The following CDKL4 variants were observed in gnomAD, a reference collection of about 807,000 sequenced individuals.
CDKL4 encodes cyclin dependent kinase like 4.
Under a neutral mutation model 42.0 loss-of-function variants are expected in CDKL4, and 44 were observed. The ratio of observed to expected loss-of-function variants is 1.05; its 90% CI spans 0.82 to 1.35. The LOEUF (loss-of-function observed/expected upper bound fraction) is 1.35, where lower values mean the gene tolerates loss of function less well. Among genes scored for constraint, CDKL4 ranks in the 40% most tolerant of loss-of-function variants. The probability of loss-of-function intolerance (pLI) is 0.00; values close to 1 mark genes in which losing one functional copy is unlikely to be tolerated. For synonymous variants in CDKL4, 120 were observed against 121.6 expected, an observed-to-expected ratio of 0.99 and a Z score of 0.09; for missense variants, 393 against 369.9, an observed-to-expected ratio of 1.06 and a Z score of -0.51.
chr2:39,193,686 T>G (rs1466290286), intron 5 of CDKL4, among the ~76,000 whole-genome samples: 1 of 152,078 alleles, frequency 6.6e-6, no homozygotes, highest in Non-Finnish European at 1.5e-5. Context: ...GTTTATAAAA[T>G]TGTTAAAGAA....
chr2:39,240,263 T>C (rs1679595913), intron 1 of CDKL4, among the ~76,000 whole-genome samples: 1 of 150,320 alleles, frequency 6.7e-6, no homozygotes, highest in Admixed American at 6.6e-5. Flanking sequence ...TAAAATAAAA[T>C]AAAATAAAAT....
chr2:39,168,744 T>C, the CDKL4 span, among the ~76,000 whole-genome samples: 47 of 151,388 alleles, frequency 3.1e-4, no homozygotes, highest in African/African-American at 1.1e-3. Context: ...AGTCCTTGTT[T>C]TTTTTTTGTT....
intron 5 of CDKL4, among the ~76,000 whole-genome samples, chr2:39,199,061 GA>G (rs1340353068): frequency 6.6e-6 from 1 of 151,988 alleles, no homozygotes; most frequent in African/African-American, 2.4e-5. Flanking sequence ...CTGGTTCTTT[GA>G]AAAGATAAAT....
intron 9 of CDKL4, chr2:39,178,958 C>A: frequency 6.9e-7 from 1 of 1,440,338 alleles, no homozygotes; most frequent in South Asian, 1.5e-5. Context: ...AGTTGCGTAA[C>A]GATTTGATTC....
At chr2:39,181,577 A>G (rs1481336390) in intron 8 of CDKL4, among the ~76,000 whole-genome samples, 1 of 152,174 alleles carries the variant, frequency 6.6e-6, no homozygotes, top group Non-Finnish European at 1.5e-5. Context: ...CCAGGACCTC[A>G]GAATGTTACC....
intron 3 of CDKL4, among the ~76,000 whole-genome samples, chr2:39,216,193 C>A (rs1010091437): frequency 1.4e-4 from 21 of 152,130 alleles, no homozygotes; most frequent in African/African-American, 4.6e-4. Context: ...TAATCTATCC[C>A]CTCAATGTCT....
intron 1 of CDKL4, among the ~76,000 whole-genome samples, chr2:39,238,699 T>C (rs1168724171): frequency 6.6e-6 from 1 of 152,022 alleles, no homozygotes; most frequent in African/African-American, 2.4e-5. Context: ...TAATAATGAG[T>C]CAAGAAATAA....
At chr2:39,233,180 T>G (rs1679175048) in intron 1 of CDKL4, among the ~76,000 whole-genome samples, 1 of 151,618 alleles carries the variant, frequency 6.6e-6, no homozygotes, top group Admixed American at 6.6e-5. Flanking sequence ...TCTAAAAAGC[T>G]TTAAGAAAGA....
intron 3 of CDKL4, among the ~76,000 whole-genome samples, chr2:39,216,392 A>G (rs1677919083): frequency 6.6e-6 from 1 of 152,200 alleles, no homozygotes; most frequent in African/African-American, 2.4e-5. Flanking sequence ...TGAAGAAGCC[A>G]GGAAGGTTGG....
At chr2:39,170,155 T>C in the CDKL4 span, among the ~76,000 whole-genome samples, 2 of 151,666 alleles carry the variant, frequency 1.3e-5, no homozygotes, top group Non-Finnish European at 2.9e-5. Flanking sequence ...TGCACCACCA[T>C]GCCTGGTCCT....
chr2:39,202,790 G>A (rs1037966470), intron 5 of CDKL4, among the ~76,000 whole-genome samples: 2 of 152,316 alleles, frequency 1.3e-5, no homozygotes, highest in South Asian at 2.1e-4. Context: ...TATTGAGCCA[G>A]TGTTAGCATT....
At chr2:39,231,231 C>T (rs1558584462) in intron 1 of CDKL4, among the ~76,000 whole-genome samples, 1 of 152,028 alleles carries the variant, frequency 6.6e-6, no homozygotes, top group Non-Finnish European at 1.5e-5. Context: ...AACAAACAAA[C>T]AAACAAACAA....
intron 3 of CDKL4, among the ~76,000 whole-genome samples, chr2:39,221,008 TTTTTGTTTTGTTTTTG>T (rs1678317534): frequency 7.0e-5 from 5 of 71,640 alleles, no homozygotes; most frequent in Admixed American, 2.0e-4. Context: ...TTTGTTTTTT[TTTTTGTTTTGTTTTTG>T]TTTTTTGAGA....
chr2:39,214,832 T>C (rs1677817198), intron 3 of CDKL4, among the ~76,000 whole-genome samples: 1 of 152,196 alleles, frequency 6.6e-6, no homozygotes, highest in African/African-American at 2.4e-5. Context: ...TGTAAGCTTC[T>C]TGTCCCTGGC....
At chr2:39,238,305 C>T (rs935433513) in intron 1 of CDKL4, among the ~76,000 whole-genome samples, 1 of 152,100 alleles carries the variant, frequency 6.6e-6, no homozygotes, top group African/African-American at 2.4e-5. Context: ...TAGTGGCCCT[C>T]GCCTGTGGTC....
chr2:39,233,044 C>CAAAAAAAAAAA (rs72150084), intron 1 of CDKL4, among the ~76,000 whole-genome samples: 6 of 65,946 alleles, frequency 9.1e-5, no homozygotes, highest in Non-Finnish European at 1.6e-4. Flanking sequence ...GACTCCATCT[C>CAAAAAAAAAAA]AAAAAAAAAA....
downstream of CDKL4, among the ~76,000 whole-genome samples, chr2:39,172,526 G>T (rs1675029802): frequency 6.6e-6 from 1 of 152,112 alleles, no homozygotes; most frequent in African/African-American, 2.4e-5. Flanking sequence ...GCTATGCTGT[G>T]GCCTGGGCCA....
At chr2:39,209,549 A>C (rs1344880625) in intron 4 of CDKL4, among the ~76,000 whole-genome samples, 1 of 152,174 alleles carries the variant, frequency 6.6e-6, no homozygotes, top group African/African-American at 2.4e-5. Context: ...GCTCTGGTTA[A>C]AATGCAGACT....
chr2:39,194,498 C>T (rs989166844), intron 5 of CDKL4, among the ~76,000 whole-genome samples: 3 of 152,052 alleles, frequency 2.0e-5, no homozygotes, highest in Admixed American at 2.0e-4. Flanking sequence ...CACAAACAAA[C>T]AGAAAATACT....
Sources: gnomAD v4.1 joint callset for allele counts (sites outside exome capture counted in the v4.1 genomes callset) on GRCh38, gnomAD v4.1.1 for gene constraint, MANE v1.5 for transcripts, NCBI Gene and HGNC (gene_info 2026-07-23, HGNC 2026-07-21) for gene names.